Variants in IQSEC2 observed in about 807,000 individuals in gnomAD.
IQSEC2 encodes IQ motif and Sec7 domain ArfGEF 2.
A neutral mutation model predicts 74.6 loss-of-function variants in IQSEC2; 6 were observed. The ratio of observed to expected loss-of-function variants is 0.08; its 90% confidence interval spans 0.04 to 0.16. IQSEC2 has a LOEUF of 0.16. Ranked by LOEUF, IQSEC2 falls within the 10% of genes least tolerant of loss-of-function variation. The pLI, the probability that IQSEC2 is intolerant of heterozygous loss-of-function variation, is 1.00. For synonymous variants in IQSEC2, 494 were observed against 544.5 expected, an observed-to-expected ratio of 0.91 and a Z score of 1.29; for missense variants, 734 against 1,306.2, an observed-to-expected ratio of 0.56 and a Z score of 6.75.
intron 1 of IQSEC2, among the ~76,000 whole-genome samples, chrX:53,319,122 C>T (rs782312498): frequency 1.8e-5 from 2 of 112,460 alleles, no homozygotes; most frequent in Non-Finnish European, 3.8e-5. Flanking sequence ...TGCCTCACCA[C>T]GGGGGAGTTG....
At chrX:53,266,693 C>T (rs782573084) in intron 2 of IQSEC2, 15 of 899,621 alleles carry the variant, frequency 1.7e-5, no homozygotes, top group South Asian at 3.7e-5. Flanking sequence ...AGGTTCCAAG[C>T]TCCAAGCTCC....
At chrX:53,269,034 C>T (rs2074701205) in intron 2 of IQSEC2, among the ~76,000 whole-genome samples, 1 of 112,266 alleles carries the variant, frequency 8.9e-6, no homozygotes, top group Admixed American at 9.4e-5. Flanking sequence ...GTTCCCTACT[C>T]ACTGATGCCC....
chrX:53,253,242 G>A (rs782292935), intron 4 of IQSEC2, among the ~76,000 whole-genome samples: 4 of 112,251 alleles, frequency 3.6e-5, no homozygotes, highest in Admixed American at 1.9e-4. Flanking sequence ...CAGCTACTAC[G>A]TGCTAGGTGT....
chrX:53,263,721 A>G (rs782028433), intron 2 of IQSEC2, among the ~76,000 whole-genome samples: 3 of 110,129 alleles, frequency 2.7e-5, no homozygotes, highest in Non-Finnish European at 5.7e-5. Context: ...ATGCTGACTC[A>G]CTCCTGCCGC....
At chrX:53,266,760 A>G (rs2074663899) in intron 2 of IQSEC2, 1 of 978,963 alleles carries the variant, frequency 1.0e-6, no homozygotes, top group Admixed American at 4.6e-5. Flanking sequence ...TCTTTAATTC[A>G]GGGGCTGGAG....
At position 53,288,819 on chromosome X, in the gene IQSEC2, G is replaced by A. The variant is rs934725131; in HGVS notation, c.737+3076C>T. Among the ~76,000 whole-genome samples the A allele has an allele frequency of 1.6e-4, 18 of 112,303 alleles. No homozygotes were observed. In the East Asian group the frequency reaches 4.8e-3, roughly 30 times the overall value. ...CAAAGAGTGCACAGCTAGGAAGCAGGCTCTGCTGCTAGCTAGCTTTGTGAC... is the reference window on the plus strand; with the variant it reads ...CAAAGAGTGCACAGCTAGGAAGCAGACTCTGCTGCTAGCTAGCTTTGTGAC... On this transcript the variant is annotated intron_variant, in intron 2 of 14. Coordinates refer to ENST00000642864, the MANE Select transcript of IQSEC2 (RefSeq NM_001111125.3).
At position 53,287,027 on chromosome X, in the gene IQSEC2, A is replaced by G. The variant is rs782106975; in HGVS notation, c.737+4868T>C. Among the ~76,000 whole-genome samples, 5 of 110,898 alleles carry G rather than the reference A, an allele frequency of 4.5e-5. No individual in the cohort carries two copies. The South Asian group carries it at 2.0e-3, about 44-fold the overall frequency. On this transcript the variant is annotated intron_variant, in intron 2 of 14. Coordinates refer to ENST00000642864, the MANE Select transcript of IQSEC2 (RefSeq NM_001111125.3). ...CAGGCAAGCCATGAGAGATGGAGAA[A>G]GATGAGACATGGGCCCAGGAGATGC...
At chrX:53,243,110 C>T (rs1289227483) in intron 9 of IQSEC2, among the ~76,000 whole-genome samples, 4 of 112,047 alleles carry the variant, frequency 3.6e-5, no homozygotes, top group East Asian at 2.8e-4. Flanking sequence ...CAGGCAAAGC[C>T]GGAGGTGAAA....
intron 5 of IQSEC2, 102 bp downstream of exon 5, chrX:53,250,177 G>T: frequency 1.1e-6 from 1 of 920,066 alleles, no homozygotes; most frequent in South Asian, 2.0e-5. Context: ...CAAAATGAAA[G>T]GATGGCAGAA....
At chrX:53,265,590 G>A (rs1221018249) in intron 2 of IQSEC2, among the ~76,000 whole-genome samples, 4 of 111,492 alleles carry the variant, frequency 3.6e-5, no homozygotes, top group African/African-American at 9.8e-5. Context: ...TAATACCAAA[G>A]GCTCAGACAG....
At chrX:53,303,047 CA>C (rs1396030354) in intron 1 of IQSEC2, among the ~76,000 whole-genome samples, 3 of 110,106 alleles carry the variant, frequency 2.7e-5, no homozygotes, top group Non-Finnish European at 5.7e-5. Flanking sequence ...TACAAACAAC[CA>C]AAAAATTAGC....
chrX:53,314,522 A>G (rs2075349844), intron 1 of IQSEC2, among the ~76,000 whole-genome samples: 2 of 111,848 alleles, frequency 1.8e-5, no homozygotes, highest in South Asian at 7.5e-4. Context: ...AAACAGACAT[A>G]GGAGAGGTAA....
chrX:53,254,657 C>T lies in IQSEC2; in HGVS notation c.1274G>A (p.Arg425Gln), dbSNP rs2074439744. The change falls in exon 4 of 15, where the codon CGG becomes CAG. Residue 425 changes from arginine to glutamine, a missense_variant. Around this residue, in one of 12 missense-constraint regions of IQSEC2, gnomAD observed 204 missense variants for 305.4 expected, o/e 0.67. Coordinates refer to ENST00000642864, the MANE Select transcript of IQSEC2 (RefSeq NM_001111125.3). ...EGAMAGARSH[R>Q]LERGLPYGGS... Reference sequence around the variant, plus strand: ...TCCATATGGGAGCCCCCGTTCAAGCCGGTGGCTCCGGGCACCAGCCATGGC... The same window carrying T: ...TCCATATGGGAGCCCCCGTTCAAGCTGGTGGCTCCGGGCACCAGCCATGGC... 1.7e-5 allele frequency: 20 copies of T among 1,210,069 alleles called. No homozygotes were observed. The highest frequency in any genetic ancestry group is 2.1e-5 in the Non-Finnish European group (19 of 894,571).
rs1350210213 is a variant in IQSEC2 at position 53,267,018 on chromosome X, C to T, written c.738-10957G>A. ...GAGGCCGGACAGCAGAACTGGTGAG[C>T]GTCTTCCTCTTCCTCTTCCTCAGTC... is the stretch of plus-strand genomic sequence containing the variant. On this transcript the variant is annotated intron_variant, in intron 2 of 14. Coordinates refer to ENST00000642864, the MANE Select transcript of IQSEC2 (RefSeq NM_001111125.3). 23 of 1,152,394 alleles carry T rather than the reference C, an allele frequency of 2.0e-5. No individual in the cohort carries two copies. In the African/African-American group the frequency reaches 3.2e-4, roughly 16 times the overall value. 95.0% of individuals were successfully genotyped at this position (1,152,394 alleles called of 1,213,427 possible).
At chrX:53,289,173 A>ACACACATGCATG (rs1556872474) in intron 2 of IQSEC2, among the ~76,000 whole-genome samples, 1 of 108,414 alleles carries the variant, frequency 9.2e-6, no homozygotes, top group Non-Finnish European at 1.9e-5. Flanking sequence ...CCCCCTCCAC[A>ACACACATGCATG]CACACATGAA....
chrX:53,313,068 C>T (rs2075336518), intron 1 of IQSEC2, among the ~76,000 whole-genome samples: 1 of 112,220 alleles, frequency 8.9e-6, no homozygotes, highest in Admixed American at 9.4e-5. Context: ...GGCTTGTCAT[C>T]TTTGTTTTGA....
chrX:53,281,639 C>T, intron 2 of IQSEC2: 1 of 884,921 alleles, frequency 1.1e-6, no homozygotes, highest in Non-Finnish European at 1.5e-6. Context: ...GGGGCCAGGC[C>T]AGCTGGGCTG....
intron 2 of IQSEC2, among the ~76,000 whole-genome samples, chrX:53,277,441 G>T (rs890776937): frequency 9.1e-6 from 1 of 109,923 alleles, no homozygotes; most frequent in Admixed American, 9.7e-5. Flanking sequence ...GGGTGGTCTT[G>T]AATGCCTGAC....
At chrX:53,264,280 C>A (rs2074618151) in intron 2 of IQSEC2, among the ~76,000 whole-genome samples, 1 of 111,707 alleles carries the variant, frequency 9.0e-6, no homozygotes, top group Non-Finnish European at 1.9e-5. Flanking sequence ...GTGAGGATGG[C>A]CGGCCACATG....
Sources: allele counts gnomAD v4.1 joint callset (sites outside exome capture counted in the v4.1 genomes callset), GRCh38; gene constraint gnomAD v4.1.1; regional missense constraint gnomAD v4.1.1; transcripts MANE v1.5; gene names NCBI Gene and HGNC (gene_info 2026-07-23, HGNC 2026-07-21).